Variants in CNTNAP2 observed in about 807,000 individuals in gnomAD.
CNTNAP2 encodes the protein contactin-associated protein-like 2.
CNTNAP2 carries 98 observed loss-of-function variants against 155.2 expected under a neutral mutation model. That is an observed-to-expected ratio of 0.63 (90% CI 0.54 to 0.75). The LOEUF (loss-of-function observed/expected upper bound fraction) is 0.75, where lower values mean the gene tolerates loss of function less well. Among genes scored for constraint, CNTNAP2 ranks in the 30% least tolerant of loss-of-function variants. The pLI, the probability that CNTNAP2 is intolerant of heterozygous loss-of-function variation, is 0.00. For missense variants in CNTNAP2, 1,727 were observed against 1,688.1 expected (o/e 1.02, Z -0.40); for synonymous variants, 651 against 631.2 (o/e 1.03, Z -0.47).
intron 1 of CNTNAP2, among the ~76,000 whole-genome samples, chr7:146,577,053 A>T (rs994755393): frequency 2.6e-5 from 4 of 152,116 alleles, no homozygotes; most frequent in African/African-American, 9.7e-5. Flanking sequence ...TGCAAATTTG[A>T]AATTTTGTAT....
At chr7:146,652,040 AG>A (rs1207241592) in intron 1 of CNTNAP2, among the ~76,000 whole-genome samples, 1 of 152,182 alleles carries the variant, frequency 6.6e-6, no homozygotes, top group African/African-American at 2.4e-5. Context: ...AAGGTGAAAA[AG>A]TATAACAATT....
chr7:146,761,269 A>G (rs1470399489), intron 1 of CNTNAP2, among the ~76,000 whole-genome samples: 4 of 150,408 alleles, frequency 2.7e-5, no homozygotes, highest in African/African-American at 9.8e-5. Context: ...CAGAATTACT[A>G]ATTGTCATAA....
intron 1 of CNTNAP2, among the ~76,000 whole-genome samples, chr7:146,252,906 C>T (rs751675388): frequency 1.5e-4 from 23 of 151,988 alleles, no homozygotes; most frequent in African/African-American, 2.7e-4. Context: ...ATGAGAGCAA[C>T]AATTATAATG....
At chr7:147,438,375 G>A (rs1181320600) in intron 10 of CNTNAP2, among the ~76,000 whole-genome samples, 2 of 151,968 alleles carry the variant, frequency 1.3e-5, no homozygotes, top group East Asian at 3.9e-4. Context: ...ATGATTATAC[G>A]GTTTTGGCCT....
intron 13 of CNTNAP2, among the ~76,000 whole-genome samples, chr7:147,888,847 A>C (rs1450388613): frequency 2.0e-5 from 3 of 152,014 alleles, no homozygotes; most frequent in Admixed American, 2.0e-4. Flanking sequence ...ACCCTAGAGA[A>C]AAAAAGATCT....
chr7:147,739,329 C>T (rs780183817), intron 13 of CNTNAP2, among the ~76,000 whole-genome samples: 8 of 152,068 alleles, frequency 5.3e-5, no homozygotes, highest in Non-Finnish European at 1.0e-4. Context: ...GCCCTTCTTA[C>T]TATTTTTCTC....
intron 14 of CNTNAP2, among the ~76,000 whole-genome samples, chr7:147,915,260 G>A (rs1037533635): frequency 2.6e-4 from 39 of 148,262 alleles, no homozygotes; most frequent in Admixed American, 2.3e-3. Context: ...GGATTCCTCC[G>A]CTCAGCGGGC....
At chr7:146,289,666 A>T (rs1800397747) in intron 1 of CNTNAP2, among the ~76,000 whole-genome samples, 1 of 152,334 alleles carries the variant, frequency 6.6e-6, no homozygotes, top group Non-Finnish European at 1.5e-5. Flanking sequence ...GACCATTTAT[A>T]TTCCAAATCG....
intron 9 of CNTNAP2, among the ~76,000 whole-genome samples, chr7:147,314,296 T>C (rs10500174): frequency 0.053 from 8,011 of 152,228 alleles, 281 homozygotes; most frequent in African/African-American, 0.099. Context: ...CCTAGTAACA[T>C]ATAATTCAGC....
intron 10 of CNTNAP2, among the ~76,000 whole-genome samples, chr7:147,396,481 C>T (rs1019424188): frequency 1.3e-5 from 2 of 151,956 alleles, no homozygotes; most frequent in East Asian, 3.9e-4. Flanking sequence ...ACTGGTTCAG[C>T]TTACAAAATA....
In CNTNAP2 at chr7:146,644,233, C is replaced by A. The variant is rs531231373; in HGVS notation, c.98-130038C>A. Among the ~76,000 whole-genome samples, 241 of 152,122 alleles carry A rather than the reference C, an allele frequency of 1.6e-3. 1 individual carries two copies. Among genetic ancestry groups the A allele is most frequent in the African/African-American group, 3.3e-3 (135 of 41,510 alleles). ...AGAGAGGGCATCCCTGTCTTGTGCC[C>A]GTTTTCAAAGGGAATGCTTCCAGTT... On this transcript the variant is annotated intron_variant, in intron 1 of 23. Transcript: ENST00000361727.
chr7:147,066,232 T>C (rs1799777703), intron 4 of CNTNAP2, among the ~76,000 whole-genome samples: 2 of 152,184 alleles, frequency 1.3e-5, no homozygotes, highest in Admixed American at 6.5e-5. Context: ...TGGTAGACTG[T>C]AACTTTCAGC....
intron 8 of CNTNAP2, among the ~76,000 whole-genome samples, chr7:147,271,699 A>G (rs1804757196): frequency 2.6e-5 from 4 of 152,176 alleles, no homozygotes; most frequent in Admixed American, 2.6e-4. Context: ...TAAAACCATC[A>G]GATCTCATGA....
chr7:147,664,279 G>A (rs1000289736), intron 13 of CNTNAP2, among the ~76,000 whole-genome samples: 3 of 152,198 alleles, frequency 2.0e-5, no homozygotes, highest in African/African-American at 7.2e-5. Flanking sequence ...AAGAGTTTTT[G>A]TTGGTGGTGG....
chr7:146,907,658 C>T lies in CNTNAP2; in HGVS notation c.402+67754C>T, dbSNP rs1796166111. On this transcript the variant is annotated intron_variant, in intron 3 of 23. Coordinates refer to ENST00000361727, the MANE Select transcript of CNTNAP2 (RefSeq NM_014141.6). ...AAGAGCTCCTGAAGGAAGCGCTAAACATGGAAAGGAACAACCGGTACCAGC... is the reference window on the plus strand; with the variant it reads ...AAGAGCTCCTGAAGGAAGCGCTAAATATGGAAAGGAACAACCGGTACCAGC... Among the ~76,000 whole-genome samples, 6 of 150,366 alleles carry T rather than the reference C, an allele frequency of 4.0e-5. No individual in the cohort carries two copies. In the South Asian group the frequency reaches 1.3e-3, roughly 33 times the overall value.
chr7:147,638,666 G>A (rs896394054), intron 12 of CNTNAP2: 93 of 360,202 alleles, frequency 2.6e-4, no homozygotes, highest in African/African-American at 1.8e-3. Flanking sequence ...ATTCTGATGA[G>A]AGCAAACACC....
chr7:148,401,496 A>G (rs1003948796), intron 22 of CNTNAP2, among the ~76,000 whole-genome samples: 1 of 152,218 alleles, frequency 6.6e-6, no homozygotes, highest in Non-Finnish European at 1.5e-5. Context: ...GAGAAATAAC[A>G]AGACATTTAT....
intron 15 of CNTNAP2, among the ~76,000 whole-genome samples, chr7:148,072,445 A>G (rs1391673600): frequency 2.0e-5 from 3 of 152,238 alleles, no homozygotes; most frequent in Admixed American, 2.0e-4. Flanking sequence ...TTGTGCTCCA[A>G]TAAAATCTTT....
intron 9 of CNTNAP2, among the ~76,000 whole-genome samples, chr7:147,362,085 T>C (rs1796156912): frequency 6.6e-6 from 1 of 152,170 alleles, no homozygotes. Flanking sequence ...GTATTTTATA[T>C]AACAGTGCAG....
Sources: allele counts gnomAD v4.1 joint callset (sites outside exome capture counted in the v4.1 genomes callset), GRCh38; gene constraint gnomAD v4.1.1; transcripts MANE v1.5; gene names NCBI Gene and HGNC (gene_info 2026-07-23, HGNC 2026-07-21).